The following GDA variants were observed in gnomAD, a reference collection of about 807,000 sequenced individuals.
GDA encodes the protein guanine deaminase.
GDA carries 18 observed loss-of-function variants against 59.6 expected under a neutral mutation model. That is an observed-to-expected ratio of 0.30 (90% CI 0.21 to 0.45). The LOEUF is 0.45. Among genes scored for constraint, GDA ranks in the 20% least tolerant of loss-of-function variants. GDA has a pLI of 1.00. For missense variants in GDA, 427 were observed against 552.3 expected (o/e 0.77, Z 2.27); for synonymous variants, 201 against 201.1 (o/e 1.00, Z 0.00).
intron 5 of GDA, 69 bp from the exon 6 acceptor site, chr9:72,219,410 A>C: frequency 8.5e-7 from 1 of 1,182,338 alleles, no homozygotes; most frequent in South Asian, 1.3e-5. Context: ...CTGAAGAAAA[A>C]AATAATAATA....
At chr9:72,115,472 T>A (rs1247363639) in intron 1 of GDA, among the ~76,000 whole-genome samples, 1 of 152,196 alleles carries the variant, frequency 6.6e-6, no homozygotes, top group Non-Finnish European at 1.5e-5. Context: ...GACTTCTCAA[T>A]CCACATGTCT....
At chr9:72,130,002 A>G (rs79219010) in intron 1 of GDA, among the ~76,000 whole-genome samples, 5,004 of 152,240 alleles carry the variant, frequency 0.033, 285 homozygotes, top group African/African-American at 0.11. Context: ...TGTGCTTGCC[A>G]GACGTTGTTG....
chr9:72,257,904 C>CCACACCACACCA (rs1291286877), downstream of GDA: 1 of 150,850 alleles, frequency 6.6e-6, no homozygotes, highest in African/African-American at 2.5e-5. Flanking sequence ...TGCACTCCAG[C>CCACACCACACCA]CTGGGTGACA....
chr9:72,138,239 C>G (rs1826314722), intron 1 of GDA, among the ~76,000 whole-genome samples: 1 of 152,210 alleles, frequency 6.6e-6, no homozygotes, highest in Non-Finnish European at 1.5e-5. Flanking sequence ...CCACCTCCCT[C>G]TGTGCCCAAG....
intron 1 of GDA, among the ~76,000 whole-genome samples, chr9:72,162,785 G>T (rs1828799232): frequency 6.6e-6 from 1 of 151,992 alleles, no homozygotes; most frequent in Non-Finnish European, 1.5e-5. Flanking sequence ...AGCCTCCCCA[G>T]TAGCTGGGAC....
chr9:72,165,663 C>T (rs569349955), intron 1 of GDA, among the ~76,000 whole-genome samples: 25 of 151,996 alleles, frequency 1.6e-4, no homozygotes, highest in Non-Finnish European at 3.4e-4. Flanking sequence ...TGTGGGAGGC[C>T]GAGGTGGGCG....
downstream of GDA, among the ~76,000 whole-genome samples, chr9:72,253,927 A>G (rs1471903892): frequency 6.6e-6 from 1 of 152,186 alleles, no homozygotes; most frequent in Non-Finnish European, 1.5e-5. Flanking sequence ...CACATTGTGC[A>G]CATGTACCCT....
chr9:72,196,682 G>A (rs753765435), intron 2 of GDA, among the ~76,000 whole-genome samples: 41 of 152,070 alleles, frequency 2.7e-4, no homozygotes, highest in Non-Finnish European at 5.1e-4. Flanking sequence ...CTATCAACCC[G>A]TCATCTAGGT....
rs568802183 is a variant in GDA, at chr9:72,214,460, T to TA, written c.578+471dup. Among the ~76,000 whole-genome samples, 54 of 152,082 alleles carry TA rather than the reference T, an allele frequency of 3.6e-4. 1 individual carries two copies. The highest frequency in any genetic ancestry group is 1.2e-3 in the African/African-American group (49 of 41,506). On this transcript the variant is annotated intron_variant, in intron 5 of 13. Transcript: ENST00000358399. ...ATAGGTGCATGCCACCACACTCAGC[T>TA]AATTTTTGTATTTTTAGTAGAGACG...
intron 1 of GDA, among the ~76,000 whole-genome samples, chr9:72,129,691 C>T (rs1299833412): frequency 1.3e-5 from 2 of 152,170 alleles, no homozygotes; most frequent in African/African-American, 4.8e-5. Context: ...GTTCACTTTG[C>T]TCACAACAGA....
At chr9:72,254,614 C>T (rs1014175932), downstream of GDA, among the ~76,000 whole-genome samples, 1 of 152,082 alleles carries the variant, frequency 6.6e-6, no homozygotes, top group Non-Finnish European at 1.5e-5. Flanking sequence ...AAATAACGGC[C>T]CTGGAAGATG....
chr9:72,127,376 C>G (rs1350555591), intron 1 of GDA, among the ~76,000 whole-genome samples: 1 of 152,114 alleles, frequency 6.6e-6, no homozygotes, highest in Non-Finnish European at 1.5e-5. Flanking sequence ...CGGTGGCTCA[C>G]ACCTGTAATC....
At chr9:72,129,075 G>C (rs1564148588) in intron 1 of GDA, among the ~76,000 whole-genome samples, 1 of 151,822 alleles carries the variant, frequency 6.6e-6, no homozygotes, top group Non-Finnish European at 1.5e-5. Flanking sequence ...TGATTCTCCT[G>C]CCTCAGCCTC....
At chr9:72,215,218 T>C (rs1454986759) in intron 5 of GDA, among the ~76,000 whole-genome samples, 1 of 152,082 alleles carries the variant, frequency 6.6e-6, no homozygotes, top group Non-Finnish European at 1.5e-5. Flanking sequence ...GAAAAATGAG[T>C]TATAGTTACA....
downstream of GDA, among the ~76,000 whole-genome samples, chr9:72,255,914 A>G (rs573874899): frequency 4.6e-5 from 7 of 152,354 alleles, no homozygotes; most frequent in South Asian, 1.4e-3. Context: ...CACATTCCCT[A>G]GAAAATTTTC....
chr9:72,258,377 AC>A (rs1157529099), downstream of GDA, among the ~76,000 whole-genome samples: 2 of 152,160 alleles, frequency 1.3e-5, no homozygotes, highest in African/African-American at 4.8e-5. Context: ...GTCAAAAATG[AC>A]CTGTTTTCTC....
At chr9:72,202,785 T>C in intron 3 of GDA, 43 bp downstream of exon 3, 2 of 1,419,674 alleles carry the variant, frequency 1.4e-6, no homozygotes, top group South Asian at 1.2e-5. Context: ...TTTGGTCATC[T>C]ATAGAAATAT....
At chr9:72,130,487 T>C (rs1825989488) in intron 1 of GDA, among the ~76,000 whole-genome samples, 1 of 152,364 alleles carries the variant, frequency 6.6e-6, no homozygotes, top group Non-Finnish European at 1.5e-5. Flanking sequence ...AACATCTTGC[T>C]GAAGTCCACA....
At position 72,233,464 on chromosome 9, in the gene GDA, G is replaced by GA. The variant is rs1015565973; in HGVS notation, c.988+2290dup. Among the ~76,000 whole-genome samples, 71 of 152,228 alleles carry GA rather than the reference G, an allele frequency of 4.7e-4. 1 individual carries two copies. The highest frequency in any genetic ancestry group is 5.9e-4 in the Non-Finnish European group (40 of 68,020). ...ATTTTAGAAATCAAGGAAGAAAACTGAAAAAAATCAGATTAAAAAGCACAT... is the reference window on the plus strand; with the variant it reads ...ATTTTAGAAATCAAGGAAGAAAACTGAAAAAAAATCAGATTAAAAAGCACAT... On this transcript the variant is annotated intron_variant, in intron 10 of 13. Coordinates refer to ENST00000358399, the MANE Select transcript of GDA (RefSeq NM_004293.5).
Sources: gnomAD v4.1 joint callset for allele counts (sites outside exome capture counted in the v4.1 genomes callset) on GRCh38, gnomAD v4.1.1 for gene constraint, MANE v1.5 for transcripts, NCBI Gene and HGNC (gene_info 2026-07-23, HGNC 2026-07-21) for gene names.